PGGHG: variants seen among roughly 807,000 people sequenced by gnomAD.
PGGHG encodes the protein ATH1, acid trehalase-like 1.
A neutral mutation model predicts 74.5 loss-of-function variants in PGGHG; 67 were observed. The observed-to-expected ratio is 0.90, with a 90% confidence interval of 0.74 to 1.10. The LOEUF is 1.10. PGGHG is among the 50% of genes least tolerant of loss of function. The pLI, the probability that PGGHG is intolerant of heterozygous loss-of-function variation, is 0.00. For missense variants in PGGHG, 1,034 were observed against 981.5 expected (o/e 1.05, Z -0.72); for synonymous variants, 496 against 419.9 (o/e 1.18, Z -2.21).
At position 291,111 on chromosome 11, in the gene PGGHG, C is replaced by T. The variant is rs1298663832; in HGVS notation, c.904C>T (p.Gln302Ter). The change falls in exon 4 of 14, where the codon CAG becomes TAG. Residue 302 changes from glutamine to a stop codon, truncating the protein, a stop_gained and splice_region_variant. Transcript: ENST00000409548. LOFTEE classifies it high-confidence loss of function. Reference protein sequence around the residue: ...ECYWGHVFWDQDLWMFPSILM... With the variant: ...ECYWGHVFWD ...CTACTGGGGCCACGTCTTCTGGGAC[C>T]AGGTGAGCACTGTACACCCAGCACC... 6.4e-7 allele frequency: 1 copy of T among 1,570,142 alleles called. No individual in the cohort carries two copies.
rs1039697271 is a variant in PGGHG at position 289,129 on chromosome 11, G to C, written c.-124G>C. 1.3e-5 allele frequency: 2 copies of C among 150,562 alleles called. No individual in the cohort carries two copies. The highest frequency in any genetic ancestry group is 4.8e-5 in the African/African-American group (2 of 41,250). The allele number at this position is 150,562 out of a possible 1,614,324, so 9.3% of individuals were successfully genotyped here. On this transcript the variant is annotated 5_prime_UTR_variant, in exon 1 of 14. Transcript: ENST00000409548. This position sits in a 1 kb window ranked among gnomAD's most constrained non-coding sequence, Gnocchi z 5.6. ...CCGGGCCCTCGGGGCGGGGACCGCG[G>C]ACCTTCCTGGTGGCGCGGCAGCCGG...
At chr11:290,211 C>T (rs1023367741) in intron 2 of PGGHG, 136 bp downstream of exon 2, 39 of 1,389,772 alleles carry the variant, frequency 2.8e-5, no homozygotes, top group African/African-American at 5.8e-5. Flanking sequence ...CCCAGAGGCC[C>T]GCAGGGTCCC....
In PGGHG at chr11:294,458, C is replaced by A; in HGVS notation, c.2000C>A (p.Ser667Tyr). 1.2e-6 allele frequency: 2 copies of A among 1,610,282 alleles called. No individual in the cohort carries two copies. Among genetic ancestry groups the A allele is most frequent in the South Asian group, 1.1e-5 (1 of 90,772 alleles). Residue 667 changes from serine (S) to tyrosine (Y), a missense_variant, in exon 13 of 14, where the codon TCC becomes TAC. Ser to Tyr is a moderately radical substitution (Grantham distance 144). Coordinates refer to ENST00000409548, the MANE Select transcript of PGGHG (RefSeq NM_025092.5). ...HLEAELWPSQ[S>Y]RLSLLPGHKV... is the part of the protein sequence containing the mutation. ...GAGGCTGAGCTGTGGCCATCCCAGT[C>A]CCGGCTCTCCCTGTTGCCAGGTAGA...
In PGGHG at chr11:293,832, C is replaced by T. The variant is rs760412645; in HGVS notation, c.1617C>T (p.Ser539=). Reference sequence around the variant, plus strand: ...TGTCCTCTTACCTCTGACCCCAGAGCATGTTTGCTGTGGGCTGGATGGAGC... The same window carrying T: ...TGTCCTCTTACCTCTGACCCCAGAGTATGTTTGCTGTGGGCTGGATGGAGC... ...TSPQGPAMTW[S]MFAVGWMELK... Residue 539 remains serine (S), a splice_region_variant and synonymous_variant, in exon 11 of 14, where the codon AGC becomes AGT. Transcript: ENST00000409548. 5.0e-6 allele frequency: 8 copies of T among 1,613,620 alleles called. No individual in the cohort carries two copies. The highest frequency in any genetic ancestry group is 2.2e-5 in the East Asian group (1 of 44,892).
chr11:291,136 C>A, intron 4 of PGGHG, 23 bp downstream of exon 4: 1 of 1,534,066 alleles, frequency 6.5e-7, no homozygotes, highest in South Asian at 1.3e-5. Flanking sequence ...CACCCAGCAC[C>A]AGCCACACAG....
rs1845702044 is a variant in PGGHG, at chr11:290,985, C to G, written c.778C>G (p.Leu260Val). ...GCTGCGCCAGGCCCTGCGTGGCTCC[C>G]TCTACTACCTGCTCAGTGCCCTGCC... ...LQLRQALRGSLYYLLSALPQP... is the reference protein window; with the variant it reads ...LQLRQALRGSVYYLLSALPQP... Residue 260 changes from leucine (L) to valine (V), a missense_variant, in exon 4 of 14, where the codon CTC (leucine) becomes GTC (valine). Physicochemically the swap from Leu to Val is conservative, Grantham distance 32. Coordinates refer to ENST00000409548, the MANE Select transcript of PGGHG (RefSeq NM_025092.5). 7.4e-6 allele frequency: 12 copies of G among 1,612,790 alleles called. No homozygotes were observed. The highest frequency in any genetic ancestry group is 1.0e-5 in the Non-Finnish European group (12 of 1,180,004).
In PGGHG at chr11:289,292, C is replaced by T. The variant is rs1451726418; in HGVS notation, c.-14+53C>T. 1 of 146,528 alleles carries T rather than the reference C, an allele frequency of 6.8e-6. No homozygotes were observed. Among genetic ancestry groups the T allele is most frequent in the Non-Finnish European group, 1.5e-5 (1 of 65,638 alleles). The allele number at this position is 146,528 out of a possible 1,614,324, so 9.1% of individuals were successfully genotyped here. ...GCTCCCGGCCGCCCCGGCCCGTCCC[C>T]CCAGCCCCCGGTCGCCCCATCCTCC... On this transcript the variant is annotated intron_variant, in intron 1 of 13. Coordinates refer to ENST00000409548, the MANE Select transcript of PGGHG (RefSeq NM_025092.5). This position sits in a 1 kb window ranked among gnomAD's most constrained non-coding sequence, Gnocchi z 5.6.
chr11:292,495 G>A, intron 5 of PGGHG, 51 bp from the exon 6 acceptor site: 1 of 1,597,164 alleles, frequency 6.3e-7, no homozygotes. Context: ...AAGTTGGGGG[G>A]CCACCGCTCC....
Position 290,807 on chromosome 11 carries a change from C to T in PGGHG, c.600C>T (p.Phe200=). Residue 200 remains phenylalanine (F), a synonymous_variant, in exon 4 of 14, where the codon TTC becomes TTT. Transcript: ENST00000409548. ...GEGEEARTWD[F]LTAVGGSQAE... The stretch of plus-strand genomic sequence containing the variant: ...GTGAGGAGGCTAGGACGTGGGACTT[C>T]CTGACAGCAGTGGGCGGCAGCCAGG... 1 of 1,612,710 alleles carries T rather than the reference C, an allele frequency of 6.2e-7. No homozygotes were observed. The highest frequency in any genetic ancestry group is 2.2e-5 in the East Asian group (1 of 44,886).
In PGGHG at chr11:294,363, C is replaced by G. The variant is rs762093541; in HGVS notation, c.1905C>G (p.Asn635Lys). Residue 635 changes from asparagine to lysine, a missense_variant, in exon 13 of 14, where the codon AAC becomes AAG. Physicochemically the swap from Asn to Lys is moderately conservative, Grantham distance 94. Transcript: ENST00000409548. ...TCTTCTACCAGGGGAACAAGCTCAA[C>G]TTCTCTTTTTCCGAGGACTCCGTGA... ...SGIFYQGNKLNFSFSEDSVTV... is the reference protein window; with the variant it reads ...SGIFYQGNKLKFSFSEDSVTV... The G allele has an allele frequency of 6.2e-7, 1 of 1,613,170 alleles. No homozygotes were observed. The highest frequency in any genetic ancestry group is 1.1e-5 in the South Asian group (1 of 91,080).
Position 294,124 on chromosome 11 carries a change from C to G in PGGHG, c.1736C>G (p.Ser579Ter), listed in dbSNP as rs1248882295. 1 of 1,612,098 alleles carries G rather than the reference C, an allele frequency of 6.2e-7. No individual in the cohort carries two copies. Among genetic ancestry groups the G allele is most frequent in the South Asian group, 1.1e-5 (1 of 90,778 alleles). The change falls in exon 12 of 14, where the codon TCA (serine) becomes TGA (stop). Residue 579 changes from serine to a stop codon, truncating the protein, a stop_gained. Transcript: ENST00000409548. LOFTEE classifies it high-confidence loss of function. ...GTGTGGACGGAGAATGCAGACGGGT[C>G]AGGCGCTGTGAACTTCCTGACAGGC... is the stretch of plus-strand genomic sequence containing the variant. ...FKVWTENADG[S>*]GAVNFLTGMG...
intron 4 of PGGHG, 147 bp from the exon 5 acceptor site, chr11:291,829 G>T: frequency 8.4e-7 from 1 of 1,189,612 alleles, no homozygotes; most frequent in Non-Finnish European, 1.1e-6. Flanking sequence ...GGGTGGGCAG[G>T]TGGGGAGGGC....
Position 293,689 on chromosome 11 carries a change from G to A in PGGHG, c.1576G>A (p.Glu526Lys), listed in dbSNP as rs189916499. 9.1e-5 allele frequency: 146 copies of A among 1,613,218 alleles called. No homozygotes were observed. The highest frequency in any genetic ancestry group is 4.2e-4 in the East Asian group (19 of 44,868). The change falls in exon 10 of 14, where the codon GAG becomes AAG. Residue 526 changes from glutamate to lysine, a missense_variant. Glu to Lys is a moderately conservative substitution (Grantham distance 56). Coordinates refer to ENST00000409548, the MANE Select transcript of PGGHG (RefSeq NM_025092.5). ...DVRRKNLEIY[E>K]AVTSPQGPAM... The stretch of plus-strand genomic sequence containing the variant: ...TCGCAGGAAAAATCTGGAGATTTAC[G>A]AGGCTGTGACGTCCCCCCAGGGCCC...
chr11:291,962 G>A lies in PGGHG; in HGVS notation c.907-14G>A. The A allele has an allele frequency of 6.3e-7, 1 of 1,599,652 alleles. No individual in the cohort carries two copies. The highest frequency in any genetic ancestry group is 8.5e-7 in the Non-Finnish European group (1 of 1,174,268). On this transcript the variant is annotated splice_polypyrimidine_tract_variant and intron_variant, in intron 4 of 13. Coordinates refer to ENST00000409548, the MANE Select transcript of PGGHG (RefSeq NM_025092.5). ...CGGCCTGTCCGGCGCTAGAACGAGG[G>A]ACCGTGCTCTCAGGACCTCTGGATG...
chr11:293,157 G>A lies in PGGHG; in HGVS notation c.1271-6G>A, dbSNP rs1032754211. 1 of 1,613,886 alleles carries A rather than the reference G, an allele frequency of 6.2e-7. No individual in the cohort carries two copies. The highest frequency in any genetic ancestry group is 8.5e-7 in the Non-Finnish European group (1 of 1,180,000). ...ACTGAGCACCATCTTGGACTTGTGT[G>A]TCCAGGAGTCATGTCCCCCGACGAG... On this transcript the variant is annotated splice_polypyrimidine_tract_variant and splice_region_variant and intron_variant, in intron 7 of 13. Coordinates refer to ENST00000409548, the MANE Select transcript of PGGHG (RefSeq NM_025092.5).
Position 294,124 on chromosome 11 carries a change from C to T in PGGHG, c.1736C>T (p.Ser579Leu), listed in dbSNP as rs1248882295. 2 of 1,612,098 alleles carry T rather than the reference C, an allele frequency of 1.2e-6. No individual in the cohort carries two copies. The highest frequency in any genetic ancestry group is 1.1e-5 in the South Asian group (1 of 90,778). The change falls in exon 12 of 14, where the codon TCA becomes TTA. Residue 579 changes from serine (S) to leucine (L), a missense_variant. Ser to Leu is a moderately radical substitution (Grantham distance 145, BLOSUM62 -2). Transcript: ENST00000409548. ...GTGTGGACGGAGAATGCAGACGGGT[C>T]AGGCGCTGTGAACTTCCTGACAGGC... Reference protein sequence around the residue: ...FKVWTENADGSGAVNFLTGMG... With the variant: ...FKVWTENADGLGAVNFLTGMG...
rs139426304 is a variant in PGGHG, at chr11:294,107, G to A, written c.1719G>A (p.Thr573=). ...ANMAEPFKVW[T]ENADGSGAVN... is the part of the protein sequence containing the mutation. ...TGCCCTTGCCCCTGCAGGTGTGGAC[G>A]GAGAATGCAGACGGGTCAGGCGCTG... The change falls in exon 12 of 14, where the codon ACG becomes ACA. Residue 573 remains threonine, a synonymous_variant. Coordinates refer to ENST00000409548, the MANE Select transcript of PGGHG (RefSeq NM_025092.5). 967 of 1,608,470 alleles carry A rather than the reference G, an allele frequency of 6.0e-4. 5 individuals are homozygous for A. Among genetic ancestry groups the A allele is most frequent in the East Asian group, 8.0e-4 (36 of 44,830 alleles).
At chr11:292,757 T>G (rs1845763895) in intron 6 of PGGHG, 80 bp downstream of exon 6, 1 of 1,608,686 alleles carries the variant, frequency 6.2e-7, no homozygotes, top group Non-Finnish European at 8.5e-7. Flanking sequence ...GCTTCCTGTT[T>G]GGGGCTGGTC....
chr11:291,764 G>C (rs545701628), intron 4 of PGGHG: 4 of 620,186 alleles, frequency 6.4e-6, no homozygotes, highest in Non-Finnish European at 1.0e-5. Context: ...CTGGGGAGGC[G>C]AAGTGTGGGG....
Sources: gnomAD v4.1 joint callset for allele counts on GRCh38, gnomAD v4.1.1 for gene constraint, Gnocchi (gnomAD v3.1) non-coding constraint, MANE v1.5 for transcripts, NCBI Gene and HGNC (gene_info 2026-07-23, HGNC 2026-07-21) for gene names.